Variants in ZBTB20 observed in about 807,000 individuals in gnomAD.
ZBTB20 encodes the protein zinc finger and BTB domain containing 20, also known as zinc finger and BTB domain-containing protein 20.
ZBTB20 carries 9 observed loss-of-function variants against 56.9 expected under a neutral mutation model. The ratio of observed to expected loss-of-function variants is 0.16; its 90% confidence interval spans 0.10 to 0.28. ZBTB20 has a LOEUF of 0.28. Among genes scored for constraint, ZBTB20 ranks in the 10% least tolerant of loss-of-function variants. The probability of loss-of-function intolerance (pLI) is 1.00; values close to 1 mark genes in which losing one functional copy is unlikely to be tolerated. For missense variants in ZBTB20, 655 were observed against 1,003.0 expected (o/e 0.65, Z 4.69); for synonymous variants, 417 against 420.7 (o/e 0.99, Z 0.11).
At chr3:114,477,489 CTTTTTT>C (rs765333264) in intron 7 of ZBTB20, among the ~76,000 whole-genome samples, 3 of 109,266 alleles carry the variant, frequency 2.7e-5, no homozygotes, top group African/African-American at 1.2e-4. Flanking sequence ...GTTCCCTGCA[CTTTTTT>C]TTTTTTTTTT....
chr3:114,988,312 C>T (rs1179783079), intron 2 of ZBTB20, among the ~76,000 whole-genome samples: 1 of 145,452 alleles, frequency 6.9e-6, no homozygotes, highest in Non-Finnish European at 1.5e-5. Flanking sequence ...CACGTGTTCT[C>T]ATTGTTCAAT....
intron 4 of ZBTB20, among the ~76,000 whole-genome samples, chr3:114,812,924 G>A (rs186536422): frequency 6.7e-6 from 1 of 148,772 alleles, no homozygotes; most frequent in Non-Finnish European, 1.5e-5. Context: ...GCCCGGGGCC[G>A]GTGGGGCAGG....
chr3:114,665,002 A>G (rs1425154323), intron 6 of ZBTB20, among the ~76,000 whole-genome samples: 1 of 152,122 alleles, frequency 6.6e-6, no homozygotes, highest in Admixed American at 6.6e-5. Context: ...GATGGAATGA[A>G]ACTTTTCTGA....
rs1187373389 is a variant in ZBTB20, at chr3:114,874,617, AG to A, written c.-417+25686del. ...AGACCACTGCCAGCACCAAGAAGCC[AG>A]CCCTCAGTTCACCTCAGGAAACAGG... On this transcript the variant is annotated intron_variant, in intron 4 of 11. Transcript: ENST00000675478. 2.0e-5 allele frequency among the ~76,000 whole-genome samples: 3 copies of A among 152,320 alleles called. No individual in the cohort carries two copies. The East Asian group carries it at 5.8e-4, about 29-fold the overall frequency.
At chr3:114,771,603 T>C (rs1187524894) in intron 5 of ZBTB20, among the ~76,000 whole-genome samples, 1 of 152,218 alleles carries the variant, frequency 6.6e-6, no homozygotes, top group African/African-American at 2.4e-5. Flanking sequence ...GGAAATGATA[T>C]AATAGAAATT....
In ZBTB20 at chr3:114,948,585, G is replaced by A. The variant is rs545778068; in HGVS notation, c.-456+25781C>T. Among the ~76,000 whole-genome samples the A allele has an allele frequency of 1.0e-4, 15 of 145,568 alleles. No homozygotes were observed. In the South Asian group the frequency reaches 1.5e-3, roughly 15 times the overall value. ...AAATTTAGCAAGATTCCTGGCCAAG[G>A]TGAATCTCTCTCTCTCCTCTCTCTT... On this transcript the variant is annotated intron_variant, in intron 3 of 11. Transcript: ENST00000675478.
At chr3:114,488,521 A>T (rs1320279503) in intron 7 of ZBTB20, among the ~76,000 whole-genome samples, 1 of 152,196 alleles carries the variant, frequency 6.6e-6, no homozygotes. Context: ...TTATGCCTGG[A>T]AAATGCATCT....
intron 7 of ZBTB20, among the ~76,000 whole-genome samples, chr3:114,458,415 A>T (rs1201115604): frequency 6.6e-6 from 1 of 152,200 alleles, no homozygotes; most frequent in Non-Finnish European, 1.5e-5. Context: ...CAAAAGAATT[A>T]AAGTCATTGT....
At chr3:114,429,259 A>C (rs1467356126) in intron 7 of ZBTB20, among the ~76,000 whole-genome samples, 4 of 152,192 alleles carry the variant, frequency 2.6e-5, no homozygotes, top group African/African-American at 9.7e-5. Flanking sequence ...TCTACAATAC[A>C]ACCTCTTAAA....
intron 8 of ZBTB20, among the ~76,000 whole-genome samples, chr3:114,382,302 T>C (rs571617474): frequency 2.0e-5 from 3 of 152,356 alleles, no homozygotes; most frequent in African/African-American, 7.2e-5. Flanking sequence ...TTCACTCCTC[T>C]AGTCCTGTTT....
intron 1 of ZBTB20, among the ~76,000 whole-genome samples, chr3:115,111,687 C>T (rs1458569391): frequency 3.9e-5 from 6 of 152,094 alleles, no homozygotes; most frequent in Admixed American, 3.9e-4. Flanking sequence ...CCAGGCACTA[C>T]ATTTTTACTA....
At chr3:114,422,718 G>T (rs1475494782) in intron 7 of ZBTB20, among the ~76,000 whole-genome samples, 1 of 152,074 alleles carries the variant, frequency 6.6e-6, no homozygotes, top group African/African-American at 2.4e-5. Flanking sequence ...TGATGTAACC[G>T]CTGATTATTT....
intron 5 of ZBTB20, among the ~76,000 whole-genome samples, chr3:114,699,949 A>G (rs1452639907): frequency 1.3e-5 from 2 of 152,190 alleles, no homozygotes; most frequent in Non-Finnish European, 2.9e-5. Context: ...TCAAAGTTGT[A>G]TAAATTCAAT....
intron 4 of ZBTB20, among the ~76,000 whole-genome samples, chr3:114,810,227 C>A (rs956619184): frequency 6.6e-6 from 1 of 152,162 alleles, no homozygotes; most frequent in Admixed American, 6.5e-5. Context: ...TGCAGCCTTT[C>A]AGACCTCTAG....
chr3:114,937,561 A>C (rs1006057776), intron 3 of ZBTB20, among the ~76,000 whole-genome samples: 3 of 151,856 alleles, frequency 2.0e-5, no homozygotes, highest in Non-Finnish European at 4.4e-5. Flanking sequence ...AGCTGGGACT[A>C]CAGGCGCATC....
intron 10 of ZBTB20, among the ~76,000 whole-genome samples, chr3:114,367,558 G>A (rs1303546626): frequency 1.3e-5 from 2 of 152,198 alleles, no homozygotes; most frequent in Middle Eastern, 3.4e-3. Context: ...CATGCCCAGC[G>A]TGAAAATCTC....
intron 4 of ZBTB20, among the ~76,000 whole-genome samples, chr3:114,862,144 C>T (rs1258060296): frequency 1.3e-5 from 2 of 152,104 alleles, no homozygotes; most frequent in Non-Finnish European, 2.9e-5. Context: ...AATAATAGTT[C>T]TGTACATTTC....
chr3:114,950,982 A>G (rs1268987500), intron 3 of ZBTB20, among the ~76,000 whole-genome samples: 1 of 152,168 alleles, frequency 6.6e-6, no homozygotes, highest in African/African-American at 2.4e-5. Context: ...ATATTTTTCA[A>G]AAATAAACTA....
At chr3:114,983,771 T>A (rs907119991) in intron 2 of ZBTB20, among the ~76,000 whole-genome samples, 15 of 152,204 alleles carry the variant, frequency 9.9e-5, no homozygotes, top group Admixed American at 3.3e-4. Context: ...TTTGTTAAAC[T>A]AAATTAACTG....
Sources: gnomAD v4.1 joint callset for allele counts (sites outside exome capture counted in the v4.1 genomes callset) on GRCh38, gnomAD v4.1.1 for gene constraint, MANE v1.5 for transcripts, NCBI Gene and HGNC (gene_info 2026-07-23, HGNC 2026-07-21) for gene names.